MLST8: variants seen among roughly 807,000 people sequenced by gnomAD.
The protein encoded by MLST8 is target of rapamycin complex subunit LST8.
Under a neutral mutation model 41.3 loss-of-function variants are expected in MLST8, and 20 were observed. The ratio of observed to expected loss-of-function variants is 0.48; its 90% CI spans 0.34 to 0.70. The LOEUF is 0.70. MLST8 is among the 30% of genes least tolerant of loss of function. MLST8 has a pLI of 0.01. For missense variants in MLST8, 422 were observed against 454.3 expected (o/e 0.93, Z 0.65); for synonymous variants, 243 against 183.0 (o/e 1.33, Z -2.65).
rs955853260 is a variant in MLST8, at chr16:2,207,265, C to T, written c.493C>T (p.Leu165=). The change falls in exon 6 of 9, where the codon CTG becomes TTG. Residue 165 remains leucine (L), a synonymous_variant. Transcript: ENST00000569417. ...CTTGAAAACAGACCACAACGAGCAGCTGATCCCTGAGCCCGAGGTCTCCAT... is the reference window on the plus strand; with the variant it reads ...CTTGAAAACAGACCACAACGAGCAGTTGATCCCTGAGCCCGAGGTCTCCAT... The part of the protein sequence containing the change: ...WDLKTDHNEQ[L]IPEPEVSITS... The T allele has an allele frequency of 1.2e-6, 2 of 1,614,206 alleles. No individual in the cohort carries two copies. The highest frequency in any genetic ancestry group is 1.7e-6 in the Non-Finnish European group (2 of 1,180,030).
In MLST8 at chr16:2,208,928, C is replaced by G. The variant is rs746650080; in HGVS notation, c.*51C>G. The G allele has an allele frequency of 1.9e-6, 3 of 1,585,054 alleles. No individual in the cohort carries two copies. The East Asian group carries it at 6.7e-5, about 35-fold the overall frequency. The stretch of plus-strand genomic sequence containing the variant: ...TGCAGGTGGTGGCAGCTGGAGGGAC[C>G]CATGCAGCACCCAGGTCAGAGCAGA... On this transcript the variant is annotated 3_prime_UTR_variant, in exon 9 of 9. Coordinates refer to ENST00000569417, the MANE Select transcript of MLST8 (RefSeq NM_022372.6).
At position 2,207,095 on chromosome 16, in the gene MLST8, C is replaced by T; in HGVS notation, c.405C>T (p.Cys135=). Reference sequence around the variant, plus strand: ...TGAACGCACCCATTAACTGCGTGTGCCTGCACCCCAACCAGGTGAGGGGTG... The same window carrying T: ...TGAACGCACCCATTAACTGCGTGTGTCTGCACCCCAACCAGGTGAGGGGTG... ...FQVNAPINCV[C]LHPNQAELIV... The change falls in exon 5 of 9, where the codon TGC becomes TGT. Residue 135 remains cysteine (C), a synonymous_variant. Coordinates refer to ENST00000569417, the MANE Select transcript of MLST8 (RefSeq NM_022372.6). The T allele has an allele frequency of 6.2e-7, 1 of 1,613,584 alleles. No homozygotes were observed. Among genetic ancestry groups the T allele is most frequent in the South Asian group, 1.1e-5 (1 of 91,062 alleles).
At chr16:2,207,590 A>G in intron 6 of MLST8, 1 of 516,442 alleles carries the variant, frequency 1.9e-6, no homozygotes, top group African/African-American at 2.0e-5. Flanking sequence ...CCCTCTTTTC[A>G]CTCTGTTGCC....
At chr16:2,205,617 G>A (rs2093265052) in intron 1 of MLST8, 105 bp downstream of exon 1, 2 of 942,154 alleles carry the variant, frequency 2.1e-6, no homozygotes, top group Non-Finnish European at 2.5e-6. Context: ...GGTCACCGGA[G>A]GAAAGGGGAG....
At chr16:2,207,611 A>G in intron 6 of MLST8, 1 of 512,322 alleles carries the variant, frequency 2.0e-6, no homozygotes, top group Non-Finnish European at 3.5e-6. Context: ...TCCTGGTCCC[A>G]GTCACCCTTG....
intron 6 of MLST8, chr16:2,207,576 A>C: frequency 1.8e-6 from 1 of 563,468 alleles, no homozygotes; most frequent in East Asian, 3.0e-5. Context: ...AAGTCGATCC[A>C]CTTCCCTCTT....
intron 1 of MLST8, chr16:2,205,810 G>A: frequency 2.7e-6 from 3 of 1,122,556 alleles, no homozygotes; most frequent in African/African-American, 1.6e-5. Context: ...AGGTGGGGGG[G>A]GGACGGCGCC....
At chr16:2,207,453 C>G in intron 6 of MLST8, 108 bp downstream of exon 6, 1 of 1,411,364 alleles carries the variant, frequency 7.1e-7, no homozygotes, top group Non-Finnish European at 9.7e-7. Flanking sequence ...TCCTGCTTTC[C>G]CCATCCCGGG....
At position 2,208,204 on chromosome 16, in the gene MLST8, C is replaced by A; in HGVS notation, c.574-6C>A. ...GGCCCTCCGTGACGGTCCTCCTGAC[C>A]TCTAGGGAAACTGCTATGTCTGGAA... On this transcript the variant is annotated splice_polypyrimidine_tract_variant and splice_region_variant and intron_variant, in intron 6 of 8. Coordinates refer to ENST00000569417, the MANE Select transcript of MLST8 (RefSeq NM_022372.6). 6.2e-7 allele frequency: 1 copy of A among 1,606,894 alleles called. No homozygotes were observed.
chr16:2,205,521 G>T lies in MLST8; in HGVS notation c.-56+9G>T, dbSNP rs1380982706. On this transcript the variant is annotated intron_variant, in intron 1 of 8. Transcript: ENST00000569417. ...GCGGAGCCGCCCGTAAGGTACGGAG[G>T]CCGCGAGCCAGGGGCCGGGAACCGG... 3 of 233,894 alleles carry T rather than the reference G, an allele frequency of 1.3e-5. No individual in the cohort carries two copies. The highest frequency in any genetic ancestry group is 2.1e-5 in the Non-Finnish European group (3 of 142,722). 14.5% of individuals were successfully genotyped at this position (233,894 alleles called of 1,614,324 possible).
At position 2,208,958 on chromosome 16, in the gene MLST8, C is replaced by A. The variant is rs1274200865; in HGVS notation, c.*81C>A. On this transcript the variant is annotated 3_prime_UTR_variant, in exon 9 of 9. Transcript: ENST00000569417. ...CAGCACCCAGGTCAGAGCAGACCCTCCCCTGCCGGCCTGCGCCAGCTGGAC... is the reference window on the plus strand; with the variant it reads ...CAGCACCCAGGTCAGAGCAGACCCTACCCTGCCGGCCTGCGCCAGCTGGAC... 6.8e-7 allele frequency: 1 copy of A among 1,477,698 alleles called. No homozygotes were observed. The highest frequency in any genetic ancestry group is 9.3e-7 in the Non-Finnish European group (1 of 1,071,624). The allele number at this position is 1,477,698 out of a possible 1,614,324, so 91.5% of individuals were successfully genotyped here. A position where few individuals can be genotyped will look rare whatever the true frequency, so the allele number is the denominator to read the frequency against.
chr16:2,208,083 G>T lies in MLST8; in HGVS notation c.574-127G>T, dbSNP rs543154538. 9.0e-5 allele frequency: 104 copies of T among 1,155,574 alleles called. 1 individual carries two copies. The South Asian group carries it at 1.6e-3, about 18-fold the overall frequency. 71.6% of individuals were successfully genotyped at this position (1,155,574 alleles called of 1,614,324 possible). ...TGCCTTCTGCAGGCAGGACCAGAGG[G>T]GCCTGCCTGCCCCTCACCCGGGGTC... On this transcript the variant is annotated intron_variant, in intron 6 of 8. Coordinates refer to ENST00000569417, the MANE Select transcript of MLST8 (RefSeq NM_022372.6).
rs767267312 is a variant in MLST8 at position 2,209,165 on chromosome 16, G to A, written c.*288G>A. The A allele has an allele frequency of 5.0e-5, 33 of 654,930 alleles. No homozygotes were observed. The highest frequency in any genetic ancestry group is 8.0e-5 in the Non-Finnish European group (31 of 385,508). The allele number at this position is 654,930 out of a possible 1,614,324, so 40.6% of individuals were successfully genotyped here. A position where few individuals can be genotyped will look rare whatever the true frequency, so the allele number is the denominator to read the frequency against. On this transcript the variant is annotated 3_prime_UTR_variant, in exon 9 of 9. Coordinates refer to ENST00000569417, the MANE Select transcript of MLST8 (RefSeq NM_022372.6). ...GCCCAAAGCTGCTGAGGGGTCTGAG[G>A]CTGGTGCCCACCCCCAAGCTAGTGT...
intron 6 of MLST8, 71 bp downstream of exon 6, chr16:2,207,416 A>G (rs2093313518): frequency 6.4e-7 from 1 of 1,557,494 alleles, no homozygotes; most frequent in African/African-American, 1.4e-5. Flanking sequence ...AGGTGGGCTT[A>G]TTCCTGGATG....
intron 4 of MLST8, 37 bp downstream of exon 4, chr16:2,206,696 G>C: frequency 6.3e-7 from 1 of 1,598,570 alleles, no homozygotes; most frequent in Non-Finnish European, 8.5e-7. Context: ...CGGGGCTGGG[G>C]TGGGCTGCTC....
chr16:2,206,008 G>A, intron 1 of MLST8, 23 bp from the exon 2 acceptor site: 2 of 1,514,780 alleles, frequency 1.3e-6, no homozygotes, highest in Non-Finnish European at 8.8e-7. Context: ...TGTCTTCTAA[G>A]TACTTCACAT....
rs370146124 is a variant in MLST8 at position 2,206,437 on chromosome 16, C to T, written c.181+28C>T. ...ATCTGTGATCCTTGATCTCTAAACT[C>T]CTGAGCTCTGGTGGGTCGACCTCAG... On this transcript the variant is annotated intron_variant, in intron 3 of 8. Transcript: ENST00000569417. 181 of 1,614,070 alleles carry T rather than the reference C, an allele frequency of 1.1e-4. No individual in the cohort carries two copies. The African/African-American group carries it at 1.9e-3, about 17-fold the overall frequency.
At chr16:2,206,248 G>C in intron 2 of MLST8, 34 bp downstream of exon 2, 1 of 1,599,594 alleles carries the variant, frequency 6.3e-7, no homozygotes, top group Non-Finnish European at 8.5e-7. Flanking sequence ...GGGCGGCGCT[G>C]GGGGGATGCC....
At chr16:2,208,425 G>A (rs2093340529) in intron 7 of MLST8, 25 bp from the exon 8 acceptor site, 1 of 1,610,890 alleles carries the variant, frequency 6.2e-7, no homozygotes, top group African/African-American at 1.3e-5. Flanking sequence ...GCTGCTGCTG[G>A]ACACGCCCCA....
Sources: allele counts gnomAD v4.1 joint callset, GRCh38; gene constraint gnomAD v4.1.1; transcripts MANE v1.5; gene names NCBI Gene and HGNC (gene_info 2026-07-23, HGNC 2026-07-21).